The following SCOC variants were observed in gnomAD, a reference collection of about 807,000 sequenced individuals.
SCOC encodes short coiled coil protein.
In SCOC, 7 loss-of-function variants were observed where a neutral mutation model predicts 9.9. The observed-to-expected ratio is 0.71, with a 90% CI of 0.40 to 1.33. The LOEUF is 1.33. SCOC is among the 40% of genes most tolerant of loss of function. SCOC has a pLI of 0.01. For synonymous variants in SCOC, 19 were observed against 28.2 expected (o/e 0.67, Z 1.03); for missense variants, 66 against 89.7 (o/e 0.74, Z 1.07).
intron 2 of SCOC, among the ~76,000 whole-genome samples, chr4:140,359,600 G>C (rs567023741): frequency 1.3e-5 from 2 of 152,274 alleles, no homozygotes; most frequent in African/African-American, 4.8e-5. Context: ...AATCACCACA[G>C]CTGGTCCTCT....
chr4:140,374,039 C>T (rs1240624464), intron 1 of SCOC: 5 of 536,366 alleles, frequency 9.3e-6, no homozygotes, highest in Non-Finnish European at 1.4e-5. Flanking sequence ...TTGCAGCTCT[C>T]GGCTCTGGAA....
chr4:140,301,358 A>C (rs554953316), intron 1 of SCOC, among the ~76,000 whole-genome samples: 2 of 152,308 alleles, frequency 1.3e-5, no homozygotes, highest in East Asian at 3.9e-4. Context: ...TAGGTATATG[A>C]AATTTGAAAG....
At chr4:140,300,558 G>GTACAA (rs1168167471) in intron 1 of SCOC, among the ~76,000 whole-genome samples, 5 of 152,224 alleles carry the variant, frequency 3.3e-5, no homozygotes, top group Non-Finnish European at 1.5e-5. Flanking sequence ...AGAAAGCTGG[G>GTACAA]TGTCTCTGCT....
intron 1 of SCOC, among the ~76,000 whole-genome samples, chr4:140,329,048 T>C (rs1262584271): frequency 6.6e-6 from 1 of 152,160 alleles, no homozygotes; most frequent in African/African-American, 2.4e-5. Flanking sequence ...AACTTCAAAC[T>C]ATACTATAAG....
chr4:140,331,871 A>T (rs1273847765), intron 1 of SCOC, among the ~76,000 whole-genome samples: 1 of 152,182 alleles, frequency 6.6e-6, no homozygotes, highest in Non-Finnish European at 1.5e-5. Flanking sequence ...TAATTTCTAA[A>T]GAACAGAGGT....
At chr4:140,352,827 AG>A (rs1055059786) in intron 2 of SCOC, among the ~76,000 whole-genome samples, 3 of 152,100 alleles carry the variant, frequency 2.0e-5, no homozygotes, top group African/African-American at 4.8e-5. Context: ...AAAAAAAGGG[AG>A]GGGGGCATTA....
At chr4:140,349,766 A>G (rs1409048939) in intron 2 of SCOC, among the ~76,000 whole-genome samples, 1 of 152,138 alleles carries the variant, frequency 6.6e-6, no homozygotes, top group African/African-American at 2.4e-5. Flanking sequence ...CTCCCTCACC[A>G]GGTCCTTATT....
intron 1 of SCOC, among the ~76,000 whole-genome samples, chr4:140,257,935 C>A (rs572808209): frequency 6.6e-6 from 1 of 152,238 alleles, no homozygotes. Context: ...GGGCAAGGAA[C>A]AAGCACAGGC....
At chr4:140,378,340 A>AT (rs150643387) in intron 1 of SCOC, among the ~76,000 whole-genome samples, 4,728 of 152,062 alleles carry the variant, frequency 0.031, 238 homozygotes, top group African/African-American at 0.11. Context: ...ATATCAGAGC[A>AT]TTTTTTCATT....
At chr4:140,369,348 A>G (rs955396001), upstream of SCOC, 8 of 396,094 alleles carry the variant, frequency 2.0e-5, no homozygotes, top group Admixed American at 3.3e-5. Context: ...TGAATTCAAT[A>G]ACCTTTCAAG....
At chr4:140,264,322 G>C (rs959231832) in intron 1 of SCOC, among the ~76,000 whole-genome samples, 3 of 152,110 alleles carry the variant, frequency 2.0e-5, no homozygotes, top group Admixed American at 2.0e-4. Flanking sequence ...GGTTAATGTG[G>C]GTTCTGGACT....
intron 1 of SCOC, chr4:140,285,253 T>C (rs1460640620): frequency 6.6e-6 from 3 of 456,626 alleles, no homozygotes; most frequent in Non-Finnish European, 1.3e-5. Flanking sequence ...ATCCTTGTAA[T>C]CAGGAGCAGG....
At chr4:140,343,379 G>A (rs1219486356), upstream of SCOC, 7 of 357,730 alleles carry the variant, frequency 2.0e-5, no homozygotes, top group Non-Finnish European at 3.6e-5. Flanking sequence ...CCAGGGTACA[G>A]CAGCCGTGCC....
At chr4:140,308,002 A>G (rs1732041745) in intron 1 of SCOC, among the ~76,000 whole-genome samples, 1 of 152,198 alleles carries the variant, frequency 6.6e-6, no homozygotes, top group Non-Finnish European at 1.5e-5. Context: ...TCTTATGCCA[A>G]TTTAGTCAGG....
At chr4:140,362,305 T>TCTTCTTCTTC (rs1357436782) in intron 2 of SCOC, among the ~76,000 whole-genome samples, 1 of 9,232 alleles carries the variant, frequency 1.1e-4, no homozygotes, top group East Asian at 3.9e-3. Context: ...TCTTCTTTTT[T>TCTTCTTCTTC]TTTTTTTTTT....
At chr4:140,371,856 AACCTAAGCGTCC>A (rs1304367281), upstream of SCOC, among the ~76,000 whole-genome samples, 1 of 152,246 alleles carries the variant, frequency 6.6e-6, no homozygotes, top group African/African-American at 2.4e-5. Context: ...AGGAGGAAGC[AACCTAAGCGTCC>A]ACTGATAGAT....
chr4:140,281,898 A>G (rs1731107264), intron 1 of SCOC, among the ~76,000 whole-genome samples: 1 of 152,114 alleles, frequency 6.6e-6, no homozygotes, highest in Non-Finnish European at 1.5e-5. Flanking sequence ...GGGAAAATGC[A>G]TTTTCCTGTT....
intron 1 of SCOC, among the ~76,000 whole-genome samples, chr4:140,321,658 T>C (rs1048398174): frequency 6.6e-6 from 1 of 151,066 alleles, no homozygotes; most frequent in African/African-American, 2.4e-5. Context: ...GAGAACAGAG[T>C]GGAAAAAAAT....
chr4:140,348,542 G>GTA (rs1287655733), intron 2 of SCOC, among the ~76,000 whole-genome samples: 2 of 134,568 alleles, frequency 1.5e-5, no homozygotes, highest in South Asian at 2.4e-4. Context: ...GTATATGTAT[G>GTA]TATATATATG....
Sources: gnomAD v4.1 joint callset for allele counts (sites outside exome capture counted in the v4.1 genomes callset) on GRCh38, gnomAD v4.1.1 for gene constraint, MANE v1.5 for transcripts, NCBI Gene and HGNC (gene_info 2026-07-23, HGNC 2026-07-21) for gene names.